The following SLC7A6OS variants were observed in gnomAD, a reference collection of about 807,000 sequenced individuals.
SLC7A6OS encodes the protein solute carrier family 7 member 6 opposite strand.
In SLC7A6OS, 22 loss-of-function variants were observed where a neutral mutation model predicts 34.3. The ratio of observed to expected loss-of-function variants is 0.64; its 90% CI spans 0.46 to 0.92. The LOEUF is 0.92. SLC7A6OS is among the 40% of genes least tolerant of loss of function. SLC7A6OS has a pLI of 0.00. For missense variants in SLC7A6OS, 434 were observed against 407.7 expected (o/e 1.06, Z -0.56); for synonymous variants, 199 against 165.0 (o/e 1.21, Z -1.58).
chr16:68,301,389 G>C lies in SLC7A6OS; in HGVS notation c.816C>G (p.Asn272Lys). ...TGCCTCTTTCCTCCTCACTCAGGCTGTTGTAGTCAGCAGAGCCTAGAATGA... is the reference window on the plus strand; with the variant it reads ...TGCCTCTTTCCTCCTCACTCAGGCTCTTGTAGTCAGCAGAGCCTAGAATGA... The part of the protein sequence containing the change: ...DEDSRGSADY[N>K]SLSEEERGSS... The change falls in exon 5 of 5, where the codon AAC (asparagine) becomes AAG (lysine). Residue 272 changes from asparagine to lysine, a missense_variant. Asn to Lys is a moderately conservative substitution (Grantham distance 94, BLOSUM62 0). Transcript: ENST00000263997. The C allele has an allele frequency of 6.2e-7, 1 of 1,614,058 alleles. No individual in the cohort carries two copies. The highest frequency in any genetic ancestry group is 1.7e-5 in the Admixed American group (1 of 60,016).
rs775124201 is a variant in SLC7A6OS, at chr16:68,302,523, T to A, written c.679-22A>T. Reference sequence around the variant, plus strand: ...TCACCTACACATCTCAACACAAACATGAGTCCAAGTCAAAACCTCTAAGGT... The same window carrying A: ...TCACCTACACATCTCAACACAAACAAGAGTCCAAGTCAAAACCTCTAAGGT... On this transcript the variant is annotated intron_variant, in intron 3 of 4. Transcript: ENST00000263997. The A allele has an allele frequency of 3.1e-6, 5 of 1,613,910 alleles. No individual in the cohort carries two copies. In the East Asian group the frequency reaches 6.7e-5, roughly 22 times the overall value.
intron 2 of SLC7A6OS, among the ~76,000 whole-genome samples, chr16:68,305,836 G>A (rs2043322302): frequency 6.6e-6 from 1 of 152,158 alleles, no homozygotes; most frequent in African/African-American, 2.4e-5. Flanking sequence ...AAGGTCGGAG[G>A]AATGTTTGAG....
chr16:68,310,659 G>A (rs746526043), intron 1 of SLC7A6OS, 46 bp from the exon 2 acceptor site: 1 of 1,578,774 alleles, frequency 6.3e-7, no homozygotes, highest in Non-Finnish European at 8.6e-7. Flanking sequence ...AGGAGTTCGC[G>A]AGCGGGTCAG....
In SLC7A6OS at chr16:68,310,838, A is replaced by C. The variant is rs745415170; in HGVS notation, c.89T>G (p.Leu30Arg). ...AEALVLACKR[L>R]RSDAVESAAQ... ...CGCTGACTCGACCGCGTCGCTCCGG[A>C]GGCGTTTACAAGCGAGCACAAGAGC... The change falls in exon 1 of 5, where the codon CTC (leucine) becomes CGC (arginine). Residue 30 changes from leucine to arginine, a missense_variant. Coordinates refer to ENST00000263997, the MANE Select transcript of SLC7A6OS (RefSeq NM_032178.3). The C allele has an allele frequency of 1.2e-6, 2 of 1,613,442 alleles. No homozygotes were observed. The highest frequency in any genetic ancestry group is 2.7e-5 in the African/African-American group (2 of 74,932).
intron 3 of SLC7A6OS, 108 bp from the exon 4 acceptor site, chr16:68,302,609 G>T: frequency 1.5e-6 from 2 of 1,344,304 alleles, no homozygotes; most frequent in Non-Finnish European, 2.1e-6. Context: ...AAAGTGCCCT[G>T]TGAAAAAACT....
At position 68,301,258 on chromosome 16, in the gene SLC7A6OS, T is replaced by C. The variant is rs145637710; in HGVS notation, c.*17A>G. 7.3e-4 allele frequency: 1,173 copies of C among 1,613,014 alleles called. 10 individuals are homozygous for C. The African/African-American group carries it at 0.015, about 20-fold the overall frequency. On this transcript the variant is annotated 3_prime_UTR_variant, in exon 5 of 5. Coordinates refer to ENST00000263997, the MANE Select transcript of SLC7A6OS (RefSeq NM_032178.3). ...CTCAAGGGCATGTGGCAGAACCTCA[T>C]GGACATCACAAGACCATCAGTCTGA...
chr16:68,310,873 C>G lies in SLC7A6OS; in HGVS notation c.54G>C (p.Glu18Asp), dbSNP rs1278829068. ...VLRVKRKRSA[E>D]PAEALVLACK... The stretch of plus-strand genomic sequence containing the variant: ...AAGCGAGCACAAGAGCCTCCGCCGG[C>G]TCCGCACTGCGCTTCCGCTTCACCC... The change falls in exon 1 of 5, where the codon GAG (glutamate) becomes GAC (aspartate). Residue 18 changes from glutamate (E) to aspartate (D), a missense_variant. Coordinates refer to ENST00000263997, the MANE Select transcript of SLC7A6OS (RefSeq NM_032178.3). The G allele has an allele frequency of 6.2e-7, 1 of 1,609,070 alleles. No individual in the cohort carries two copies. Among genetic ancestry groups the G allele is most frequent in the South Asian group, 1.1e-5 (1 of 90,788 alleles).
chr16:68,305,635 G>T (rs1222466941), intron 2 of SLC7A6OS, among the ~76,000 whole-genome samples: 1 of 152,176 alleles, frequency 6.6e-6, no homozygotes, highest in African/African-American at 2.4e-5. Context: ...ATTCTTCCTT[G>T]CTCCAAAGTC....
chr16:68,310,686 C>T (rs775974863), intron 1 of SLC7A6OS, 49 bp downstream of exon 1: 2 of 1,580,066 alleles, frequency 1.3e-6, no homozygotes, highest in Admixed American at 3.4e-5. Flanking sequence ...GGTTTCGTAC[C>T]GGCTGCACCC....
chr16:68,308,117 G>A (rs2151241794), intron 2 of SLC7A6OS, among the ~76,000 whole-genome samples: 1 of 151,986 alleles, frequency 6.6e-6, no homozygotes, highest in East Asian at 2.0e-4. Context: ...GGCCAGGCTG[G>A]TCTTGAACTC....
rs1340014770 is a variant in SLC7A6OS, at chr16:68,300,539, A to G, written c.*736T>C. The G allele has an allele frequency of 3.5e-6, 3 of 866,066 alleles. No individual in the cohort carries two copies. Among genetic ancestry groups the G allele is most frequent in the Non-Finnish European group, 4.2e-6 (3 of 721,196 alleles). 53.6% of individuals were successfully genotyped at this position (866,066 alleles called of 1,614,324 possible). A position where few individuals can be genotyped will look rare whatever the true frequency, so the allele number is the denominator to read the frequency against. ...CTTAAGTCCTTGGTATTTATAATCA[A>G]TGCTGAACCTTCTATTTCACTACCG... On this transcript the variant is annotated 3_prime_UTR_variant, in exon 5 of 5. Transcript: ENST00000263997.
chr16:68,299,991 G>A lies in SLC7A6OS; in HGVS notation c.*1284C>T, dbSNP rs1234554977. 3 of 152,234 alleles carry A rather than the reference G, an allele frequency of 2.0e-5. No individual in the cohort carries two copies. The highest frequency in any genetic ancestry group is 6.8e-3 in the Middle Eastern group (2 of 294). 9.4% of individuals were successfully genotyped at this position (152,234 alleles called of 1,614,324 possible). ...GGTAGGATGAAGGAGAGATACTTAG[G>A]AAATCCTAAAAGAGGCGGCAAGAAG... On this transcript the variant is annotated 3_prime_UTR_variant, in exon 5 of 5. Coordinates refer to ENST00000263997, the MANE Select transcript of SLC7A6OS (RefSeq NM_032178.3).
chr16:68,299,284 A>C lies in SLC7A6OS; in HGVS notation c.*1991T>G, dbSNP rs927634074. ...CAGCTTTAGCTTTCTCCACCAGATA[A>C]CCAGCTAATCCCAGGAATTTGCTGC... On this transcript the variant is annotated 3_prime_UTR_variant, in exon 5 of 5. Coordinates refer to ENST00000263997, the MANE Select transcript of SLC7A6OS (RefSeq NM_032178.3). 5 of 152,644 alleles carry C rather than the reference A, an allele frequency of 3.3e-5. No individual in the cohort carries two copies. Among genetic ancestry groups the C allele is most frequent in the Non-Finnish European group, 5.9e-5 (4 of 68,054 alleles). 9.5% of individuals were successfully genotyped at this position (152,644 alleles called of 1,614,324 possible). A position where few individuals can be genotyped will look rare whatever the true frequency, so the allele number is the denominator to read the frequency against.
At chr16:68,302,096 C>T (rs2043286371) in intron 4 of SLC7A6OS, 2 of 399,380 alleles carry the variant, frequency 5.0e-6, no homozygotes, top group Non-Finnish European at 9.0e-6. Context: ...AGAACCATCT[C>T]ATTTGGAGAG....
chr16:68,301,595 T>A, intron 4 of SLC7A6OS, 190 bp from the exon 5 acceptor site: 1 of 453,224 alleles, frequency 2.2e-6, no homozygotes, highest in Middle Eastern at 6.0e-4. Context: ...CTAAACCAAG[T>A]TCCTTCACAC....
At chr16:68,309,555 G>A (rs1349910628) in intron 2 of SLC7A6OS, among the ~76,000 whole-genome samples, 2 of 152,146 alleles carry the variant, frequency 1.3e-5, no homozygotes, top group African/African-American at 4.8e-5. Context: ...CATTTCTGTA[G>A]TTTTGCTGCA....
chr16:68,304,281 T>C (rs374874080), intron 2 of SLC7A6OS, 49 bp from the exon 3 acceptor site: 333 of 1,542,548 alleles, frequency 2.2e-4, no homozygotes, highest in Non-Finnish European at 2.8e-4. Context: ...CAAAACATGA[T>C]GTTCCAAGAG....
chr16:68,300,757 T>G lies in SLC7A6OS; in HGVS notation c.*518A>C. On this transcript the variant is annotated 3_prime_UTR_variant, in exon 5 of 5. Coordinates refer to ENST00000263997, the MANE Select transcript of SLC7A6OS (RefSeq NM_032178.3). ...AAGCAGAAATAGCTGTTAACTAAAA[T>G]CTCCCACTGCTCAGACTACTTTCTG... 1.0e-6 allele frequency: 1 copy of G among 985,464 alleles called. No individual in the cohort carries two copies. The highest frequency in any genetic ancestry group is 1.2e-6 in the Non-Finnish European group (1 of 829,960). 61.0% of individuals were successfully genotyped at this position (985,464 alleles called of 1,614,324 possible).
chr16:68,305,218 G>C (rs2043318515), intron 2 of SLC7A6OS, among the ~76,000 whole-genome samples: 1 of 152,162 alleles, frequency 6.6e-6, no homozygotes, highest in Non-Finnish European at 1.5e-5. Flanking sequence ...CCTGAAATGA[G>C]TCTCTATTTT....
Sources: allele counts gnomAD v4.1 joint callset (sites outside exome capture counted in the v4.1 genomes callset), GRCh38; gene constraint gnomAD v4.1.1; transcripts MANE v1.5; gene names NCBI Gene and HGNC (gene_info 2026-07-23, HGNC 2026-07-21).